Variants in PDE4B observed in about 807,000 individuals in gnomAD.
The protein encoded by PDE4B is phosphodiesterase 4B, also known as 3',5'-cyclic-AMP phosphodiesterase 4B.
PDE4B carries 20 observed loss-of-function variants against 82.2 expected under a neutral mutation model. That is an observed-to-expected ratio of 0.24 (90% confidence interval 0.17 to 0.35). The LOEUF is 0.35. PDE4B is among the 10% of genes least tolerant of loss of function. PDE4B has a pLI of 1.00. For synonymous variants in PDE4B, 320 were observed against 318.9 expected (o/e 1.00, Z -0.04); for missense variants, 655 against 907.2 (o/e 0.72, Z 3.57).
chr1:66,184,548 C>T (rs1222794126), intron 3 of PDE4B, among the ~76,000 whole-genome samples: 1 of 152,138 alleles, frequency 6.6e-6, no homozygotes, highest in African/African-American at 2.4e-5. Flanking sequence ...TCAGGATTAA[C>T]TTAGTAATTT....
At chr1:66,218,522 C>G (rs1650692029) in intron 3 of PDE4B, among the ~76,000 whole-genome samples, 1 of 152,114 alleles carries the variant, frequency 6.6e-6, no homozygotes, top group Non-Finnish European at 1.5e-5. Flanking sequence ...TGAGCCATAT[C>G]CTTAATGATC....
chr1:65,921,353 A>T (rs1647244401), intron 3 of PDE4B, among the ~76,000 whole-genome samples: 1 of 152,128 alleles, frequency 6.6e-6, no homozygotes, highest in Non-Finnish European at 1.5e-5. Flanking sequence ...TTGGTGAAGG[A>T]ATCTGATTAA....
intron 3 of PDE4B, among the ~76,000 whole-genome samples, chr1:66,235,429 TTTTATCA>T (rs1557651528): frequency 6.6e-6 from 1 of 152,210 alleles, no homozygotes; most frequent in Non-Finnish European, 1.5e-5. Flanking sequence ...GAACTGACTC[TTTTATCA>T]TTATGAAATC....
intron 11 of PDE4B, 30 bp from the exon 12 acceptor site, chr1:66,363,377 A>G: frequency 6.3e-7 from 1 of 1,585,790 alleles, no homozygotes; most frequent in Non-Finnish European, 8.6e-7. Flanking sequence ...ACATCTACTT[A>G]TTTATGTTCT....
chr1:66,087,382 T>G (rs1262244952), intron 3 of PDE4B, among the ~76,000 whole-genome samples: 2 of 152,144 alleles, frequency 1.3e-5, no homozygotes, highest in Non-Finnish European at 1.5e-5. Flanking sequence ...TCATTGTAGA[T>G]TCTGGATATT....
At chr1:65,896,611 C>A (rs1044055680) in intron 1 of PDE4B, among the ~76,000 whole-genome samples, 7 of 152,110 alleles carry the variant, frequency 4.6e-5, no homozygotes, top group African/African-American at 1.7e-4. Flanking sequence ...TTCCTATTCA[C>A]CAACACTGAG....
At chr1:66,279,133 A>G (rs766252895) in intron 7 of PDE4B, among the ~76,000 whole-genome samples, 2 of 152,052 alleles carry the variant, frequency 1.3e-5, no homozygotes, top group Non-Finnish European at 2.9e-5. Context: ...TAATTTAAAT[A>G]CTTCCCTCTG....
At chr1:65,918,019 C>G (rs1569673838) in intron 2 of PDE4B, among the ~76,000 whole-genome samples, 2 of 152,104 alleles carry the variant, frequency 1.3e-5, no homozygotes, top group South Asian at 4.1e-4. Flanking sequence ...CAAAAATTAG[C>G]CGGGCGTTGT....
At chr1:66,275,449 T>C (rs879266324) in intron 7 of PDE4B, among the ~76,000 whole-genome samples, 2 of 152,154 alleles carry the variant, frequency 1.3e-5, no homozygotes, top group Admixed American at 6.5e-5. Flanking sequence ...CTTTACACCC[T>C]CTCCAATTAC....
At chr1:66,326,432 G>A (rs1659757812) in intron 7 of PDE4B, among the ~76,000 whole-genome samples, 1 of 152,194 alleles carries the variant, frequency 6.6e-6, no homozygotes, top group Non-Finnish European at 1.5e-5. Flanking sequence ...CTATAGATTA[G>A]TTTTTGCCTC....
At chr1:66,129,405 C>A (rs1232744008) in intron 3 of PDE4B, among the ~76,000 whole-genome samples, 1 of 152,092 alleles carries the variant, frequency 6.6e-6, no homozygotes, top group East Asian at 1.9e-4. Context: ...CGCCTGTAAT[C>A]CCAGCACTTT....
intron 3 of PDE4B, among the ~76,000 whole-genome samples, chr1:66,099,569 A>AAACAATGAGTT (rs1645181382): frequency 6.6e-6 from 1 of 152,160 alleles, no homozygotes. Flanking sequence ...TTACATTTTA[A>AAACAATGAGTT]AACAATGAGT....
intron 3 of PDE4B, among the ~76,000 whole-genome samples, chr1:66,190,104 G>T (rs180840018): frequency 3.9e-5 from 6 of 152,318 alleles, no homozygotes. Context: ...GTCCACTCCA[G>T]ACCCTGTTTG....
intron 3 of PDE4B, among the ~76,000 whole-genome samples, chr1:66,052,979 T>G (rs1253603638): frequency 6.6e-6 from 1 of 152,184 alleles, no homozygotes; most frequent in East Asian, 1.9e-4. Flanking sequence ...AAAGTGTCAT[T>G]AGGAGTTTTA....
At chr1:65,802,040 C>T (rs936210723) in intron 1 of PDE4B, among the ~76,000 whole-genome samples, 1 of 152,142 alleles carries the variant, frequency 6.6e-6, no homozygotes, top group African/African-American at 2.4e-5. Context: ...TTAATTTTTG[C>T]TTTAAGCCGT....
At chr1:66,047,752 G>C (rs1372123512) in intron 3 of PDE4B, among the ~76,000 whole-genome samples, 1 of 151,910 alleles carries the variant, frequency 6.6e-6, no homozygotes, top group African/African-American at 2.4e-5. Flanking sequence ...AATTGACTGT[G>C]CTAAGACTTT....
chr1:65,827,905 G>A (rs1443602279), intron 1 of PDE4B, among the ~76,000 whole-genome samples: 1 of 151,996 alleles, frequency 6.6e-6, no homozygotes. Flanking sequence ...GCAGGCAAAG[G>A]AAAAAAGTCA....
At chr1:66,181,797 T>C (rs576873814) in intron 3 of PDE4B, among the ~76,000 whole-genome samples, 2 of 152,156 alleles carry the variant, frequency 1.3e-5, no homozygotes, top group Admixed American at 6.5e-5. Flanking sequence ...GGTTAGAGTG[T>C]TCTATGCCTA....
rs559952987 is a variant in PDE4B, at chr1:65,987,199, T to C, written c.281+68364T>C. ...TGAATGGGACCATCTCTAAGAAACA[T>C]GAAACCATGCTCAAGCATCTAGGAT... On this transcript the variant is annotated intron_variant, in intron 3 of 16. Transcript: ENST00000341517. Among the ~76,000 whole-genome samples, 6 of 152,226 alleles carry C rather than the reference T, an allele frequency of 3.9e-5. No homozygotes were observed. In the East Asian group the frequency reaches 9.7e-4, roughly 24 times the overall value.
Sources: gnomAD v4.1 joint callset for allele counts (sites outside exome capture counted in the v4.1 genomes callset) on GRCh38, gnomAD v4.1.1 for gene constraint, MANE v1.5 for transcripts, NCBI Gene and HGNC (gene_info 2026-07-23, HGNC 2026-07-21) for gene names.